Variants in ITGBL1 observed in about 807,000 individuals in gnomAD.
ITGBL1 encodes the protein integrin subunit beta like 1.
Under a neutral mutation model 68.5 loss-of-function variants are expected in ITGBL1, and 51 were observed. The ratio of observed to expected loss-of-function variants is 0.74; its 90% CI spans 0.59 to 0.94. The LOEUF (loss-of-function observed/expected upper bound fraction) is 0.94. Ranked by LOEUF, ITGBL1 falls within the 40% of genes least tolerant of loss-of-function variation. The pLI, the probability that ITGBL1 is intolerant of heterozygous loss-of-function variation, is 0.00. For synonymous variants in ITGBL1, 209 were observed against 227.3 expected, an observed-to-expected ratio of 0.92 and a Z score of 0.72; for missense variants, 649 against 647.4, an observed-to-expected ratio of 1.00 and a Z score of -0.03.
At chr13:101,482,144 A>G (rs543747093) in intron 2 of ITGBL1, among the ~76,000 whole-genome samples, 1 of 152,168 alleles carries the variant, frequency 6.6e-6, no homozygotes, top group South Asian at 2.1e-4. Context: ...AATGCGACAC[A>G]TTTTCTTTAA....
chr13:101,498,439 C>T (rs4397965), intron 2 of ITGBL1, among the ~76,000 whole-genome samples: 118,504 of 152,148 alleles, frequency 0.78, 46,639 homozygotes, highest in African/African-American at 0.9. Context: ...AATTGTTCTT[C>T]TGTATTTAAG....
chr13:101,534,276 T>C (rs1229507619), intron 2 of ITGBL1, among the ~76,000 whole-genome samples: 1 of 152,000 alleles, frequency 6.6e-6, no homozygotes, highest in Non-Finnish European at 1.5e-5. Flanking sequence ...AAGCTTGGGT[T>C]GGGAAGGAAA....
chr13:101,632,382 A>G (rs1316903833), intron 7 of ITGBL1, among the ~76,000 whole-genome samples: 1 of 152,204 alleles, frequency 6.6e-6, no homozygotes, highest in Non-Finnish European at 1.5e-5. Context: ...TAGAATGGAG[A>G]AAATTAAAGA....
chr13:101,710,809 T>C (rs569989217), intron 9 of ITGBL1: 1 of 152,300 alleles, frequency 6.6e-6, no homozygotes, highest in East Asian at 1.9e-4. Flanking sequence ...CAGGAGACGA[T>C]GAAGAAATAG....
chr13:101,553,963 G>A (rs1419175488), intron 2 of ITGBL1, among the ~76,000 whole-genome samples: 5 of 151,948 alleles, frequency 3.3e-5, no homozygotes, highest in South Asian at 4.2e-4. Flanking sequence ...TAGTAGAGAC[G>A]GGTTTTCTCC....
At chr13:101,666,730 G>A (rs568389803) in intron 7 of ITGBL1, among the ~76,000 whole-genome samples, 14 of 152,240 alleles carry the variant, frequency 9.2e-5, no homozygotes, top group Admixed American at 5.2e-4. Context: ...CAGTGGATGT[G>A]GGATGGCAAA....
intron 7 of ITGBL1, among the ~76,000 whole-genome samples, chr13:101,690,333 G>A (rs887369306): frequency 9.9e-5 from 15 of 152,148 alleles, no homozygotes; most frequent in African/African-American, 3.1e-4. Flanking sequence ...AGGCACAGAA[G>A]CCAATGAGGC....
chr13:101,594,157 C>T lies in ITGBL1; in HGVS notation c.869-3996C>T, dbSNP rs185056177. Among the ~76,000 whole-genome samples the T allele has an allele frequency of 1.2e-3, 180 of 152,224 alleles. 2 individuals carry two copies. Among genetic ancestry groups the T allele is most frequent in the Admixed American group, 2.0e-3 (31 of 15,266 alleles). The stretch of plus-strand genomic sequence containing the variant: ...TCTTCAGCAAGAACAAAGCTGAAGG[C>T]ACCATAGCTCTTGATTTCAAATTAT... On this transcript the variant is annotated intron_variant, in intron 6 of 10. Transcript: ENST00000376180.
chr13:101,488,510 G>A lies in ITGBL1; in HGVS notation c.316+34410G>A, dbSNP rs189136058. ...TTTCCTGGTCACAGGCTTTGAACCC[G>A]GAAAGACCTAAGCTGACTGTCAACT... is the stretch of plus-strand genomic sequence containing the variant. On this transcript the variant is annotated intron_variant, in intron 2 of 10. Transcript: ENST00000376180. Among the ~76,000 whole-genome samples, 16 of 152,276 alleles carry A rather than the reference G, an allele frequency of 1.1e-4. No homozygotes were observed. The East Asian group carries it at 2.5e-3, about 24-fold the overall frequency.
intron 3 of ITGBL1, among the ~76,000 whole-genome samples, chr13:101,574,179 C>A (rs547035245): frequency 6.6e-6 from 1 of 152,138 alleles, no homozygotes; most frequent in Non-Finnish European, 1.5e-5. Context: ...AGCTGGAAAT[C>A]TTTAACATGA....
chr13:101,654,583 C>A (rs1449612517), intron 7 of ITGBL1, among the ~76,000 whole-genome samples: 1 of 152,138 alleles, frequency 6.6e-6, no homozygotes, highest in Non-Finnish European at 1.5e-5. Context: ...AACAGAGAAA[C>A]AGAAGGCATT....
At chr13:101,587,483 C>T (rs967627911) in intron 6 of ITGBL1, among the ~76,000 whole-genome samples, 10 of 152,084 alleles carry the variant, frequency 6.6e-5, no homozygotes, top group Admixed American at 2.6e-4. Flanking sequence ...TGACGTGTCC[C>T]GACTGTCCTG....
At chr13:101,671,447 G>GTTTTTTTTT (rs1313845131) in intron 7 of ITGBL1, among the ~76,000 whole-genome samples, 7 of 103,628 alleles carry the variant, frequency 6.8e-5, no homozygotes, top group African/African-American at 2.9e-4. Flanking sequence ...GTTTTTTTTT[G>GTTTTTTTTT]TTTTTTTTTG....
At chr13:101,494,555 C>G (rs1323127022) in intron 2 of ITGBL1, among the ~76,000 whole-genome samples, 7 of 152,128 alleles carry the variant, frequency 4.6e-5, no homozygotes, top group Admixed American at 3.9e-4. Flanking sequence ...AAGCTCTTTC[C>G]AGAGATTTAT....
chr13:101,651,143 A>G (rs553483816), intron 7 of ITGBL1, among the ~76,000 whole-genome samples: 1 of 152,188 alleles, frequency 6.6e-6, no homozygotes, highest in African/African-American at 2.4e-5. Flanking sequence ...AAGGAATTAT[A>G]TTCCTTTAGG....
chr13:101,587,084 A>G (rs2050569986), intron 6 of ITGBL1, among the ~76,000 whole-genome samples: 1 of 152,154 alleles, frequency 6.6e-6, no homozygotes, highest in South Asian at 2.1e-4. Context: ...TTTTGGTCTT[A>G]TTTAAGTCCA....
chr13:101,606,783 G>T (rs2030887409), intron 7 of ITGBL1, among the ~76,000 whole-genome samples: 1 of 151,914 alleles, frequency 6.6e-6, no homozygotes, highest in African/African-American at 2.4e-5. Context: ...ATCCACCAAG[G>T]TTCTATGATG....
intron 2 of ITGBL1, among the ~76,000 whole-genome samples, chr13:101,560,710 C>A (rs895051407): frequency 6.6e-6 from 1 of 152,134 alleles, no homozygotes; most frequent in Non-Finnish European, 1.5e-5. Context: ...AACAAGTAAA[C>A]ATTCCAAGTG....
At chr13:101,520,262 A>C (rs2049263450) in intron 2 of ITGBL1, among the ~76,000 whole-genome samples, 1 of 152,228 alleles carries the variant, frequency 6.6e-6, no homozygotes, top group South Asian at 2.1e-4. Flanking sequence ...ACACAAAATA[A>C]ATAAGATGTT....
Sources: allele counts gnomAD v4.1 joint callset (sites outside exome capture counted in the v4.1 genomes callset), GRCh38; gene constraint gnomAD v4.1.1; transcripts MANE v1.5; gene names NCBI Gene and HGNC (gene_info 2026-07-23, HGNC 2026-07-21).